The following STAG1 variants were observed in gnomAD, a reference collection of about 807,000 sequenced individuals.
STAG1 encodes STAG1 cohesin complex component, also known as cohesin subunit SA-1.
In STAG1, 26 loss-of-function variants were observed where a neutral mutation model predicts 170.9. That is an observed-to-expected ratio of 0.15 (90% confidence interval 0.11 to 0.21). STAG1 has a LOEUF of 0.21. STAG1 is among the 10% of genes least tolerant of loss of function. STAG1 has a pLI of 1.00. For synonymous variants in STAG1, 514 were observed against 497.7 expected, an observed-to-expected ratio of 1.03 and a Z score of -0.44; for missense variants, 964 against 1,509.5, an observed-to-expected ratio of 0.64 and a Z score of 5.99.
rs142283819 is a variant in STAG1 at position 136,707,638 on chromosome 3, G to A, written c.-84+44557C>T. ...CAAGGGCATGGCCCTAGCTTCTGGC[G>A]ACAGCTTTTGTGCTACTTTACAACA... is the stretch of plus-strand genomic sequence containing the variant. On this transcript the variant is annotated intron_variant, in intron 1 of 33. Transcript: ENST00000383202. Among the ~76,000 whole-genome samples the A allele has an allele frequency of 1.3e-4, 20 of 152,280 alleles. 2 individuals carry two copies. The highest frequency in any genetic ancestry group is 2.6e-4 in the Admixed American group (4 of 15,302).
chr3:136,392,409 T>C (rs2087032811), intron 22 of STAG1, among the ~76,000 whole-genome samples: 1 of 152,066 alleles, frequency 6.6e-6, no homozygotes, highest in Admixed American at 6.6e-5. Flanking sequence ...GAAGAGAAGA[T>C]AAAAATTGAA....
intron 28 of STAG1, among the ~76,000 whole-genome samples, chr3:136,352,810 T>C (rs1936487133): frequency 6.6e-6 from 1 of 152,206 alleles, no homozygotes; most frequent in Non-Finnish European, 1.5e-5. Flanking sequence ...ATTCTGCGTG[T>C]TAAAGGTAGG....
chr3:136,688,584 GC>G (rs1469325334), intron 1 of STAG1, among the ~76,000 whole-genome samples: 1 of 152,212 alleles, frequency 6.6e-6, no homozygotes, highest in East Asian at 1.9e-4. Context: ...TAGAGATGGG[GC>G]TTTGCCATGT....
At chr3:136,658,944 A>G (rs1941482791) in intron 1 of STAG1, among the ~76,000 whole-genome samples, 1 of 152,210 alleles carries the variant, frequency 6.6e-6, no homozygotes, top group African/African-American at 2.4e-5. Context: ...AATACCCCTA[A>G]GAATGAGGCA....
chr3:136,595,028 C>T (rs916806956), intron 4 of STAG1, among the ~76,000 whole-genome samples: 1 of 152,156 alleles, frequency 6.6e-6, no homozygotes, highest in Non-Finnish European at 1.5e-5. Context: ...TTCAGCCTCC[C>T]AAAGTACTGG....
intron 1 of STAG1, among the ~76,000 whole-genome samples, chr3:136,692,121 C>G (rs1942744989): frequency 6.6e-6 from 1 of 151,546 alleles, no homozygotes; most frequent in African/African-American, 2.4e-5. Flanking sequence ...TTGAGACCAG[C>G]CTGGCCAACA....
intron 3 of STAG1, among the ~76,000 whole-genome samples, chr3:136,616,155 G>A (rs1173567886): frequency 1.3e-5 from 2 of 151,952 alleles, no homozygotes; most frequent in African/African-American, 4.8e-5. Flanking sequence ...TGTCGTCCCA[G>A]CTACTCGGGA....
At chr3:136,645,531 T>C (rs1239176037) in intron 1 of STAG1, among the ~76,000 whole-genome samples, 2 of 152,246 alleles carry the variant, frequency 1.3e-5, no homozygotes, top group African/African-American at 4.8e-5. Context: ...CTGGATGAAG[T>C]AATAAATCTT....
intron 12 of STAG1, among the ~76,000 whole-genome samples, chr3:136,468,014 G>C (rs1048709702): frequency 6.6e-6 from 1 of 152,220 alleles, no homozygotes; most frequent in Non-Finnish European, 1.5e-5. Context: ...GCAGTGTGTA[G>C]AGGGAAATGT....
chr3:136,686,824 C>T (rs1179266154), intron 1 of STAG1, among the ~76,000 whole-genome samples: 1 of 152,066 alleles, frequency 6.6e-6, no homozygotes, highest in Non-Finnish European at 1.5e-5. Flanking sequence ...ATAAATGCCT[C>T]CTTGTTCAGC....
chr3:136,374,238 T>G (rs767196171), intron 23 of STAG1, among the ~76,000 whole-genome samples: 1 of 152,132 alleles, frequency 6.6e-6, no homozygotes. Context: ...TGTGTGTGCC[T>G]GCATGTGAGA....
chr3:136,379,015 C>A (rs1937776835), intron 22 of STAG1, among the ~76,000 whole-genome samples: 1 of 152,134 alleles, frequency 6.6e-6, no homozygotes, highest in Admixed American at 6.5e-5. Context: ...AATGATACTT[C>A]AAAAATTACA....
chr3:136,604,692 C>T (rs573000073), intron 3 of STAG1, among the ~76,000 whole-genome samples: 8 of 152,156 alleles, frequency 5.3e-5, no homozygotes, highest in Admixed American at 4.6e-4. Flanking sequence ...GCTCTGTCGC[C>T]CAGGATGGAG....
intron 24 of STAG1, 48 bp downstream of exon 24, chr3:136,369,060 G>T (rs1937192292): frequency 2.2e-6 from 3 of 1,378,296 alleles, no homozygotes; most frequent in Admixed American, 2.8e-5. Context: ...CTATCTTTTG[G>T]GGTTGGTAAA....
intron 30 of STAG1, among the ~76,000 whole-genome samples, chr3:136,343,629 G>C (rs1406974064): frequency 6.6e-6 from 1 of 152,120 alleles, no homozygotes; most frequent in Non-Finnish European, 1.5e-5. Context: ...TACATTTAAA[G>C]GTCTGTAAAC....
chr3:136,538,638 G>A (rs1382454043), intron 6 of STAG1, among the ~76,000 whole-genome samples: 1 of 151,978 alleles, frequency 6.6e-6, no homozygotes, highest in Non-Finnish European at 1.5e-5. Flanking sequence ...TGGCTGTTCT[G>A]TGAACTTCTG....
chr3:136,340,445 G>A (rs765145044), intron 32 of STAG1, 46 bp downstream of exon 32: 2 of 1,241,658 alleles, frequency 1.6e-6, no homozygotes, highest in African/African-American at 3.0e-5. Context: ...TTACACCAAT[G>A]CCCCCACATA....
chr3:136,626,351 A>C (rs1009508091), intron 2 of STAG1, among the ~76,000 whole-genome samples: 4 of 150,526 alleles, frequency 2.7e-5, no homozygotes, highest in Admixed American at 2.7e-4. Context: ...GCTTGAACCC[A>C]CGAGGCGTAG....
chr3:136,717,304 A>C (rs1943567931), intron 1 of STAG1, among the ~76,000 whole-genome samples: 1 of 152,206 alleles, frequency 6.6e-6, no homozygotes, highest in Non-Finnish European at 1.5e-5. Flanking sequence ...CAAAGCCAAG[A>C]TTTACTATAA....
Sources: gnomAD v4.1 joint callset for allele counts (sites outside exome capture counted in the v4.1 genomes callset) on GRCh38, gnomAD v4.1.1 for gene constraint, MANE v1.5 for transcripts, NCBI Gene and HGNC (gene_info 2026-07-23, HGNC 2026-07-21) for gene names.